Variants in LCE3E observed in about 807,000 individuals in gnomAD.
LCE3E encodes late cornified envelope protein 3E.
For synonymous variants in LCE3E, 40 were observed against 47.0 expected (o/e 0.85, Z 0.61); for missense variants, 133 against 120.0 (o/e 1.11, Z -0.51).
In LCE3E at chr1:152,566,026, G is replaced by T. The variant is rs1659914665; in HGVS notation, c.183C>A (p.His61Gln). Residue 61 changes from histidine to glutamine, a missense_variant, in exon 2 of 2, where the codon CAC (histidine) becomes CAA (glutamine). Coordinates refer to ENST00000368789, the MANE Select transcript of LCE3E (RefSeq NM_178435.4). Reference sequence around the variant, plus strand: ...AGTTGGACCTCTGGCGCCGGCATCGGTGGTGGCGCCTGTGGTGGTTCAGGA... The same window carrying T: ...AGTTGGACCTCTGGCGCCGGCATCGTTGGTGGCGCCTGTGGTGGTTCAGGA... ...GCFLNHHRRH[H>Q]RCRRQRSNSC... The T allele has an allele frequency of 6.2e-7, 1 of 1,613,814 alleles. No individual in the cohort carries two copies. Among genetic ancestry groups the T allele is most frequent in the Non-Finnish European group, 8.5e-7 (1 of 1,180,032 alleles).
chr1:152,565,724 G>A lies in LCE3E; in HGVS notation c.*206C>T. On this transcript the variant is annotated 3_prime_UTR_variant, in exon 2 of 2. Transcript: ENST00000368789. ...GCACTGCCAATCCTTGGCAGGTACA[G>A]GGGTAGGGGGACATATGACATCCTG... 1 of 698,080 alleles carries A rather than the reference G, an allele frequency of 1.4e-6. No homozygotes were observed. The highest frequency in any genetic ancestry group is 2.3e-6 in the Non-Finnish European group (1 of 426,242). 43.2% of individuals were successfully genotyped at this position (698,080 alleles called of 1,614,324 possible). A position where few individuals can be genotyped will look rare whatever the true frequency, so the allele number is the denominator to read the frequency against.
rs754879660 is a variant in LCE3E at position 152,566,242 on chromosome 1, A to AAGCC, written c.-21-17_-21-14dup. ...GAGTTGAGATGTCCTGGAGAAAACG[A>AAGCC]AGCCACTTCTTAGTTCAAAATCTAC... On this transcript the variant is annotated splice_polypyrimidine_tract_variant and intron_variant, in intron 1 of 1. Coordinates refer to ENST00000368789, the MANE Select transcript of LCE3E (RefSeq NM_178435.4). 1.9e-6 allele frequency: 3 copies of AAGCC among 1,609,922 alleles called. No individual in the cohort carries two copies. Among genetic ancestry groups the AAGCC allele is most frequent in the Non-Finnish European group, 2.5e-6 (3 of 1,178,572 alleles).
chr1:152,565,832 A>G lies in LCE3E; in HGVS notation c.*98T>C. 3 of 1,503,846 alleles carry G rather than the reference A, an allele frequency of 2.0e-6. 1 individual carries two copies. Among genetic ancestry groups the G allele is most frequent in the Non-Finnish European group, 2.7e-6 (3 of 1,115,720 alleles). The allele number at this position is 1,503,846 out of a possible 1,614,324, so 93.2% of individuals were successfully genotyped here. A position where few individuals can be genotyped will look rare whatever the true frequency, so the allele number is the denominator to read the frequency against. On this transcript the variant is annotated 3_prime_UTR_variant, in exon 2 of 2. Coordinates refer to ENST00000368789, the MANE Select transcript of LCE3E (RefSeq NM_178435.4). Reference sequence around the variant, plus strand: ...CAGCTCAGCCTGTGAAAGTCAGAAGAGGGTATATGGGAAGGCATGCGTCAG... The same window carrying G: ...CAGCTCAGCCTGTGAAAGTCAGAAGGGGGTATATGGGAAGGCATGCGTCAG...
At chr1:152,566,603 C>A in intron 1 of LCE3E, 135 bp downstream of exon 1, 1 of 233,984 alleles carries the variant, frequency 4.3e-6, no homozygotes, top group African/African-American at 2.3e-5. Context: ...CTGCCCCCTT[C>A]CCCCATTGCT....
chr1:152,566,248 C>G lies in LCE3E; in HGVS notation c.-21-19G>C. Reference sequence around the variant, plus strand: ...AGATGTCCTGGAGAAAACGAAGCCACTTCTTAGTTCAAAATCTACAGTCCA... The same window carrying G: ...AGATGTCCTGGAGAAAACGAAGCCAGTTCTTAGTTCAAAATCTACAGTCCA... On this transcript the variant is annotated intron_variant, in intron 1 of 1. Coordinates refer to ENST00000368789, the MANE Select transcript of LCE3E (RefSeq NM_178435.4). The G allele has an allele frequency of 6.2e-7, 1 of 1,606,648 alleles. No individual in the cohort carries two copies. Among genetic ancestry groups the G allele is most frequent in the Non-Finnish European group, 8.5e-7 (1 of 1,177,274 alleles).
rs772373329 is a variant in LCE3E at position 152,566,186 on chromosome 1, T to C, written c.23A>G (p.Lys8Arg). 1 of 1,613,842 alleles carries C rather than the reference T, an allele frequency of 6.2e-7. No homozygotes were observed. The highest frequency in any genetic ancestry group is 1.1e-5 in the South Asian group (1 of 91,086). ...GCACTTGGGTGGGGGTTGGCACTGCTTCTGGTTCTGCTGGCAGGACATCTT... is the reference window on the plus strand; with the variant it reads ...GCACTTGGGTGGGGGTTGGCACTGCCTCTGGTTCTGCTGGCAGGACATCTT... MSCQQNQ[K>R]QCQPPPKCPS... The change falls in exon 2 of 2, where the codon AAG becomes AGG. Residue 8 changes from lysine to arginine, a missense_variant. Lys to Arg is a conservative substitution (Grantham distance 26). Coordinates refer to ENST00000368789, the MANE Select transcript of LCE3E (RefSeq NM_178435.4).
chr1:152,566,324 G>A, intron 1 of LCE3E, 95 bp from the exon 2 acceptor site: 1 of 1,312,208 alleles, frequency 7.6e-7, no homozygotes, highest in Admixed American at 2.5e-5. Flanking sequence ...AGAGGGTGAG[G>A]GAAGCTGATG....
Position 152,566,221 on chromosome 1 carries a change from T to G in LCE3E, c.-13A>C. 6.2e-7 allele frequency: 1 copy of G among 1,613,398 alleles called. No individual in the cohort carries two copies. The highest frequency in any genetic ancestry group is 8.5e-7 in the Non-Finnish European group (1 of 1,179,920). ...GCTGGCAGGACATCTTGGCAGGAGT[T>G]GAGATGTCCTGGAGAAAACGAAGCC... is the stretch of plus-strand genomic sequence containing the variant. On this transcript the variant is annotated 5_prime_UTR_variant, in exon 2 of 2. Coordinates refer to ENST00000368789, the MANE Select transcript of LCE3E (RefSeq NM_178435.4).
At chr1:152,566,354 C>T in intron 1 of LCE3E, 125 bp from the exon 2 acceptor site, 1 of 994,636 alleles carries the variant, frequency 1.0e-6, no homozygotes, top group Non-Finnish European at 1.5e-6. Flanking sequence ...TGGGATATGC[C>T]AGATACTTCT....
rs759841598 is a variant in LCE3E, at chr1:152,566,108, G to A, written c.101C>T (p.Ser34Phe). The change falls in exon 2 of 2, where the codon TCC becomes TTC. Residue 34 changes from serine (S) to phenylalanine (F), a missense_variant. Transcript: ENST00000368789. ...KNPVQCLPPA[S>F]SGCAPSSGGC... ...CCCAGAGCTTGGGGCACAGCCAGAG[G>A]AAGCTGGAGGCAGACACTGTACTGG... The A allele has an allele frequency of 1.2e-5, 19 of 1,613,790 alleles. No homozygotes were observed. The highest frequency in any genetic ancestry group is 1.6e-5 in the Non-Finnish European group (19 of 1,180,062).
At position 152,566,162 on chromosome 1, in the gene LCE3E, C is replaced by T. The variant is rs781015939; in HGVS notation, c.47G>A (p.Cys16Tyr). Residue 16 changes from cysteine to tyrosine, a missense_variant, in exon 2 of 2, where the codon TGC (cysteine) becomes TAC (tyrosine). By Grantham distance (194) the Cys-to-Tyr change is radical. Coordinates refer to ENST00000368789, the MANE Select transcript of LCE3E (RefSeq NM_178435.4). Reference protein sequence around the residue: ...NQKQCQPPPKCPSPKCPPKNP... With the variant: ...NQKQCQPPPKYPSPKCPPKNP... ...CTTTGGGGGACACTTGGGTGAGGGG[C>T]ACTTGGGTGGGGGTTGGCACTGCTT... 2 of 1,613,836 alleles carry T rather than the reference C, an allele frequency of 1.2e-6. No individual in the cohort carries two copies. The highest frequency in any genetic ancestry group is 1.7e-6 in the Non-Finnish European group (2 of 1,180,042).
At chr1:152,566,444 G>A (rs1659924677) in intron 1 of LCE3E, among the ~76,000 whole-genome samples, 2 of 151,950 alleles carry the variant, frequency 1.3e-5, no homozygotes, top group African/African-American at 4.8e-5. Context: ...GAACCCCTAG[G>A]GAATGCACCC....
At chr1:152,566,597 C>T (rs1484710987) in intron 1 of LCE3E, 141 bp downstream of exon 1, 1 of 241,290 alleles carries the variant, frequency 4.1e-6, no homozygotes, top group Non-Finnish European at 8.0e-6. Flanking sequence ...TCCCTCCTGC[C>T]CCCTTCCCCC....
chr1:152,566,280 C>G, intron 1 of LCE3E, 51 bp from the exon 2 acceptor site: 1 of 1,558,780 alleles, frequency 6.4e-7, no homozygotes, highest in Non-Finnish European at 8.7e-7. Context: ...TCCAACGTCT[C>G]TAAGACCAGC....
In LCE3E at chr1:152,566,141, G is replaced by C. The variant is rs764329929; in HGVS notation, c.68C>G (p.Pro23Arg). 5 of 1,613,874 alleles carry C rather than the reference G, an allele frequency of 3.1e-6. No individual in the cohort carries two copies. In the Admixed American group the frequency reaches 8.4e-5, roughly 27 times the overall value. Residue 23 changes from proline to arginine, a missense_variant, in exon 2 of 2, where the codon CCA becomes CGA. Transcript: ENST00000368789. Reference sequence around the variant, plus strand: ...AGGCAGACACTGTACTGGGTTCTTTGGGGGACACTTGGGTGAGGGGCACTT... The same window carrying C: ...AGGCAGACACTGTACTGGGTTCTTTCGGGGACACTTGGGTGAGGGGCACTT... The part of the protein sequence containing the change: ...PPKCPSPKCP[P>R]KNPVQCLPPA...
In LCE3E at chr1:152,565,839, A is replaced by T; in HGVS notation, c.*91T>A. 6.5e-7 allele frequency: 1 copy of T among 1,535,628 alleles called. No individual in the cohort carries two copies. Among genetic ancestry groups the T allele is most frequent in the Admixed American group, 1.9e-5 (1 of 51,420 alleles). ...GCCTGTGAAAGTCAGAAGAGGGTAT[A>T]TGGGAAGGCATGCGTCAGATGGGGC... is the stretch of plus-strand genomic sequence containing the variant. On this transcript the variant is annotated 3_prime_UTR_variant, in exon 2 of 2. Transcript: ENST00000368789.
rs142822331 is a variant in LCE3E, at chr1:152,566,182, C to T, written c.27G>A (p.Gln9=). ...AGGGGCACTTGGGTGGGGGTTGGCA[C>T]TGCTTCTGGTTCTGCTGGCAGGACA... MSCQQNQK[Q]CQPPPKCPSP... The change falls in exon 2 of 2, where the codon CAG becomes CAA. Residue 9 remains glutamine, a synonymous_variant. Coordinates refer to ENST00000368789, the MANE Select transcript of LCE3E (RefSeq NM_178435.4). 6.2e-7 allele frequency: 1 copy of T among 1,613,722 alleles called. No homozygotes were observed. The highest frequency in any genetic ancestry group is 8.5e-7 in the Non-Finnish European group (1 of 1,180,048).
At position 152,566,184 on chromosome 1, in the gene LCE3E, G is replaced by A; in HGVS notation, c.25C>T (p.Gln9Ter). Reference sequence around the variant, plus strand: ...GGGCACTTGGGTGGGGGTTGGCACTGCTTCTGGTTCTGCTGGCAGGACATC... The same window carrying A: ...GGGCACTTGGGTGGGGGTTGGCACTACTTCTGGTTCTGCTGGCAGGACATC... The part of the protein sequence containing the change: MSCQQNQK[Q>*]CQPPPKCPSP... The change falls in exon 2 of 2, where the codon CAG becomes TAG. Residue 9 changes from glutamine to a stop codon, truncating the protein, a stop_gained. Coordinates refer to ENST00000368789, the MANE Select transcript of LCE3E (RefSeq NM_178435.4). LOFTEE classifies it low-confidence loss of function (END_TRUNC). 6.2e-7 allele frequency: 1 copy of A among 1,613,862 alleles called. No homozygotes were observed. The highest frequency in any genetic ancestry group is 8.5e-7 in the Non-Finnish European group (1 of 1,180,044).
Position 152,565,812 on chromosome 1 carries a change from C to T in LCE3E, c.*118G>A, listed in dbSNP as rs1659908628. 2.1e-5 allele frequency: 30 copies of T among 1,449,562 alleles called. No homozygotes were observed. The South Asian group carries it at 3.2e-4, about 16-fold the overall frequency. 89.8% of individuals were successfully genotyped at this position (1,449,562 alleles called of 1,614,324 possible). On this transcript the variant is annotated 3_prime_UTR_variant, in exon 2 of 2. Coordinates refer to ENST00000368789, the MANE Select transcript of LCE3E (RefSeq NM_178435.4). Reference sequence around the variant, plus strand: ...ATCCCCCACAGGAAAACCTCCAGCTCAGCCTGTGAAAGTCAGAAGAGGGTA... The same window carrying T: ...ATCCCCCACAGGAAAACCTCCAGCTTAGCCTGTGAAAGTCAGAAGAGGGTA...
Sources: allele counts gnomAD v4.1 joint callset (sites outside exome capture counted in the v4.1 genomes callset), GRCh38; gene constraint gnomAD v4.1.1; transcripts MANE v1.5; gene names NCBI Gene and HGNC (gene_info 2026-07-23, HGNC 2026-07-21).